RPL3: variants seen among roughly 807,000 people sequenced by gnomAD.
RPL3 encodes the protein ribosomal protein L3, also known as large ribosomal subunit protein uL3.
Under a neutral mutation model 46.0 loss-of-function variants are expected in RPL3, and 3 were observed. That is an observed-to-expected ratio of 0.07 (90% CI 0.03 to 0.17). The LOEUF is 0.17. Ranked by LOEUF, RPL3 falls within the 10% of genes least tolerant of loss-of-function variation. The pLI is 1.00. For missense variants in RPL3, 387 were observed against 532.7 expected (o/e 0.73, Z 2.69); for synonymous variants, 224 against 190.8 (o/e 1.17, Z -1.43).
chr22:39,316,154 G>C (rs1008158692), intron 4 of RPL3, among the ~76,000 whole-genome samples: 1 of 151,896 alleles, frequency 6.6e-6, no homozygotes, highest in African/African-American at 2.4e-5. Context: ...CAGGAGAATA[G>C]CTTGAACCTA....
intron 3 of RPL3, chr22:39,317,121 T>C (rs1291680258): frequency 5.0e-6 from 3 of 601,382 alleles, no homozygotes; most frequent in Non-Finnish European, 9.0e-6. Context: ...CACTCAGTGA[T>C]GAAGGAAATG....
At chr22:39,318,726 G>C in intron 1 of RPL3, 134 bp from the exon 2 acceptor site, 3 of 723,420 alleles carry the variant, frequency 4.1e-6, no homozygotes, top group African/African-American at 3.6e-5. Context: ...CGAATAAAAA[G>C]GTCATTATCT....
chr22:39,313,828 A>C, intron 7 of RPL3, 99 bp from the exon 8 acceptor site: 3 of 1,123,342 alleles, frequency 2.7e-6, no homozygotes, highest in Admixed American at 1.7e-5. Context: ...GGCTGTTCTC[A>C]GAAGGAAGGC....
chr22:39,318,343 A>G, intron 2 of RPL3, 57 bp downstream of exon 2: 2 of 1,576,390 alleles, frequency 1.3e-6, no homozygotes, highest in Non-Finnish European at 1.7e-6. Flanking sequence ...CTCCATCTCT[A>G]CAATTTCCCT....
rs1922901504 is a variant in RPL3, at chr22:39,319,278, A to G, written c.3+317T>C. 3 of 520,020 alleles carry G rather than the reference A, an allele frequency of 5.8e-6. No homozygotes were observed. The East Asian group carries it at 1.1e-4, about 19-fold the overall frequency. 32.2% of individuals were successfully genotyped at this position (520,020 alleles called of 1,614,324 possible). On this transcript the variant is annotated intron_variant, in intron 1 of 9. Transcript: ENST00000216146. ...CCCAGACAAGCAGGTTATGGGCCCT[A>G]ATCCCAACTAATGATAGAATTGGTG...
chr22:39,318,666 G>C (rs752721323), intron 1 of RPL3, 74 bp from the exon 2 acceptor site: 1 of 1,296,834 alleles, frequency 7.7e-7, no homozygotes, highest in Non-Finnish European at 1.1e-6. Flanking sequence ...AGCTGCTTAA[G>C]TTCCAAATCT....
chr22:39,313,776 G>A (rs754632714), intron 7 of RPL3, 47 bp from the exon 8 acceptor site: 9 of 1,554,912 alleles, frequency 5.8e-6, no homozygotes, highest in East Asian at 4.5e-5. Context: ...GGGGATTGTC[G>A]TGCAGATGAC....
chr22:39,319,073 AC>A, intron 1 of RPL3: 1 of 537,390 alleles, frequency 1.9e-6, no homozygotes. Context: ...GACAATCAGC[AC>A]ACAGTTTCTG....
rs775832481 is a variant in RPL3, at chr22:39,317,649, G to A, written c.197-20C>T. The A allele has an allele frequency of 8.1e-6, 13 of 1,610,736 alleles. No individual in the cohort carries two copies. The highest frequency in any genetic ancestry group is 1.1e-5 in the Non-Finnish European group (13 of 1,177,462). On this transcript the variant is annotated intron_variant, in intron 2 of 9. Coordinates refer to ENST00000216146, the MANE Select transcript of RPL3 (RefSeq NM_000967.4). Reference sequence around the variant, plus strand: ...TCACCTCTGCAAAAAAAAAGCAGTAGTCAGACTTGGCAGGAGCCCAAGCAA... The same window carrying A: ...TCACCTCTGCAAAAAAAAAGCAGTAATCAGACTTGGCAGGAGCCCAAGCAA...
chr22:39,315,327 C>T (rs1398033826), intron 5 of RPL3, 42 bp downstream of exon 5: 6 of 1,613,140 alleles, frequency 3.7e-6, no homozygotes, highest in Non-Finnish European at 5.1e-6. Flanking sequence ...AACCACTTCT[C>T]CCCCAGGTTT....
At chr22:39,317,864 C>A in intron 2 of RPL3, 1 of 522,206 alleles carries the variant, frequency 1.9e-6, no homozygotes, top group Non-Finnish European at 3.4e-6. Flanking sequence ...CTTCAATTCT[C>A]TTCTACAGAA....
intron 2 of RPL3, 105 bp from the exon 3 acceptor site, chr22:39,317,734 G>A (rs1316759650): frequency 1.6e-6 from 2 of 1,273,204 alleles, no homozygotes; most frequent in African/African-American, 3.0e-5. Context: ...GGGCAACTGG[G>A]CCCCACACCT....
Position 39,314,699 on chromosome 22 carries a change from T to A in RPL3, c.836A>T (p.Glu279Val). ...TCAGAACCTCACCTTCTTGTTGATC[T>A]CAGTGCGGTGATGGTAGCCTTTCTG... ...AGQKGYHHRT[E>V]INKKIYKIGQ... The change falls in exon 6 of 10, where the codon GAG becomes GTG. Residue 279 changes from glutamate to valine, a missense_variant. By Grantham distance (121) the Glu-to-Val change is moderately radical (BLOSUM62 -2). This residue lies in a region of RPL3 where 131 missense variants were observed against 185.1 expected (regional missense o/e 0.71). Coordinates refer to ENST00000216146, the MANE Select transcript of RPL3 (RefSeq NM_000967.4). 1 of 1,612,930 alleles carries A rather than the reference T, an allele frequency of 6.2e-7. No homozygotes were observed.
chr22:39,313,495 C>CA, intron 8 of RPL3, 139 bp downstream of exon 8: 1 of 1,254,056 alleles, frequency 8.0e-7, no homozygotes, highest in Admixed American at 2.0e-5. Context: ...TTCCTCATCT[C>CA]AGGACTTCAA....
intron 7 of RPL3, 145 bp from the exon 8 acceptor site, chr22:39,313,874 G>A (rs1601626968): frequency 1.1e-6 from 1 of 901,938 alleles, no homozygotes; most frequent in Non-Finnish European, 1.9e-6. Context: ...CTCGGGCGCT[G>A]TGCCCAGCGC....
intron 2 of RPL3, chr22:39,318,030 C>A: frequency 2.9e-6 from 1 of 346,702 alleles, no homozygotes; most frequent in Non-Finnish European, 5.3e-6. Context: ...AGAACACACA[C>A]AGGTAAGTGG....
At position 39,315,424 on chromosome 22, in the gene RPL3, A is replaced by T; in HGVS notation, c.633T>A (p.Phe211Leu). The T allele has an allele frequency of 6.2e-7, 1 of 1,613,934 alleles. No individual in the cohort carries two copies. The highest frequency in any genetic ancestry group is 8.5e-7 in the Non-Finnish European group (1 of 1,180,036). ...TGACGTCGATCATCTCATCCTGCCC[A>T]AACACTTGGTTCACAGGTACCTGCT... ...LEQQVPVNQVFGQDEMIDVIG... is the reference protein window; with the variant it reads ...LEQQVPVNQVLGQDEMIDVIG... The change falls in exon 5 of 10, where the codon TTT (phenylalanine) becomes TTA (leucine). Residue 211 changes from phenylalanine to leucine, a missense_variant. By Grantham distance (22) the Phe-to-Leu change is conservative (BLOSUM62 0). Coordinates refer to ENST00000216146, the MANE Select transcript of RPL3 (RefSeq NM_000967.4).
rs975462959 is a variant in RPL3 at position 39,316,848 on chromosome 22, G to A, written c.366-7C>T. On this transcript the variant is annotated splice_polypyrimidine_tract_variant and splice_region_variant and intron_variant, in intron 3 of 9. Transcript: ENST00000216146. ...CTTCTTCTTAGATTTATGCCTTCAG[G>A]AGCAGAGCAGAGTTGGGGAGGGGAC... 9 of 1,613,582 alleles carry A rather than the reference G, an allele frequency of 5.6e-6. No individual in the cohort carries two copies. Among genetic ancestry groups the A allele is most frequent in the Non-Finnish European group, 7.6e-6 (9 of 1,180,040 alleles).
intron 6 of RPL3, chr22:39,314,427 T>A (rs1014751294): frequency 1.6e-6 from 1 of 626,354 alleles, no homozygotes; most frequent in Non-Finnish European, 2.8e-6. Flanking sequence ...CACAGGCCTG[T>A]CACCCCCCTG....
Sources: allele counts gnomAD v4.1 joint callset (sites outside exome capture counted in the v4.1 genomes callset), GRCh38; gene constraint gnomAD v4.1.1; regional missense constraint gnomAD v4.1.1; transcripts MANE v1.5; gene names NCBI Gene and HGNC (gene_info 2026-07-23, HGNC 2026-07-21).